ATG13: variants seen among roughly 807,000 people sequenced by gnomAD.
ATG13 encodes autophagy related 13.
Under a neutral mutation model 65.5 loss-of-function variants are expected in ATG13, and 23 were observed. That is an observed-to-expected ratio of 0.35 (90% confidence interval 0.25 to 0.50). The LOEUF is 0.50. Among genes scored for constraint, ATG13 ranks in the 20% least tolerant of loss-of-function variants. ATG13 has a pLI of 0.98. For synonymous variants in ATG13, 252 were observed against 245.2 expected, an observed-to-expected ratio of 1.03 and a Z score of -0.26; for missense variants, 566 against 677.0, an observed-to-expected ratio of 0.84 and a Z score of 1.82.
intron 5 of ATG13, 88 bp downstream of exon 5, chr11:46,646,077 C>T (rs890068074): frequency 6.6e-7 from 1 of 1,504,184 alleles, no homozygotes; most frequent in South Asian, 1.3e-5. Context: ...CTTATTCCTG[C>T]CCCTTTCCTC....
intron 3 of ATG13, among the ~76,000 whole-genome samples, chr11:46,644,600 G>GC (rs2057053154): frequency 3.0e-5 from 4 of 131,668 alleles, no homozygotes; most frequent in African/African-American, 5.6e-5. Flanking sequence ...TTTTTTTTTT[G>GC]CAAGTCTGTT....
intron 1 of ATG13, among the ~76,000 whole-genome samples, chr11:46,622,549 A>G (rs1414449461): frequency 6.6e-6 from 1 of 152,226 alleles, no homozygotes; most frequent in African/African-American, 2.4e-5. Flanking sequence ...AAGCAAGAAC[A>G]AACTACTGCG....
rs549217818 is a variant in ATG13 at position 46,636,790 on chromosome 11, T to G, written c.-14+6690T>G. On this transcript the variant is annotated intron_variant, in intron 2 of 18. Transcript: ENST00000683050. ...TTAGTTGATACAGTTTTTTTTTTTCTTTTGAGGTGGAGTCTCATTCTGTCA... is the reference window on the plus strand; with the variant it reads ...TTAGTTGATACAGTTTTTTTTTTTCGTTTGAGGTGGAGTCTCATTCTGTCA... Among the ~76,000 whole-genome samples, 4 of 151,926 alleles carry G rather than the reference T, an allele frequency of 2.6e-5. No homozygotes were observed. In the South Asian group the frequency reaches 8.3e-4, roughly 32 times the overall value.
chr11:46,644,503 A>C, intron 3 of ATG13, 143 bp downstream of exon 3: 1 of 644,690 alleles, frequency 1.6e-6, no homozygotes, highest in Non-Finnish European at 2.6e-6. Context: ...TTGTCAACCA[A>C]ACTGTGAGGT....
chr11:46,657,813 C>T (rs2060339945), intron 10 of ATG13, among the ~76,000 whole-genome samples, 191 bp downstream of exon 10: 1 of 152,190 alleles, frequency 6.6e-6, no homozygotes, highest in Non-Finnish European at 1.5e-5. Flanking sequence ...TACACCAAGA[C>T]TTAGTATATA....
intron 2 of ATG13, among the ~76,000 whole-genome samples, chr11:46,636,013 G>T (rs1208329277): frequency 1.3e-5 from 2 of 152,106 alleles, no homozygotes; most frequent in South Asian, 4.1e-4. Context: ...TGGCACAGTT[G>T]TTAGTGTTCT....
At chr11:46,618,004 T>G in intron 1 of ATG13, 114 bp downstream of exon 1, 1 of 397,880 alleles carries the variant, frequency 2.5e-6, no homozygotes, top group Non-Finnish European at 4.4e-6. Flanking sequence ...TTAGCCACGG[T>G]TCAATCCCCT....
rs577846219 is a variant in ATG13 at position 46,650,884 on chromosome 11, G to A, written c.458+567G>A. Among the ~76,000 whole-genome samples the A allele has an allele frequency of 2.0e-5, 3 of 152,316 alleles. No individual in the cohort carries two copies. The South Asian group carries it at 6.2e-4, about 32-fold the overall frequency. On this transcript the variant is annotated intron_variant, in intron 7 of 18. Coordinates refer to ENST00000683050, the MANE Select transcript of ATG13 (RefSeq NM_001346311.2). Reference sequence around the variant, plus strand: ...CTCCCAAAGTGCTGGGATTATAGGTGTGAGCCACGGCACCCGGCCTGGAAG... The same window carrying A: ...CTCCCAAAGTGCTGGGATTATAGGTATGAGCCACGGCACCCGGCCTGGAAG...
intron 1 of ATG13, among the ~76,000 whole-genome samples, chr11:46,619,372 C>CTTTTTTTTTTTTTTTTTTTTTT (rs746642470): frequency 8.5e-5 from 3 of 35,328 alleles, no homozygotes; most frequent in African/African-American, 1.3e-4. Flanking sequence ...AGATTTCTTG[C>CTTTTTTTTTTTTTTTTTTTTTT]TTTTTTTTTT....
rs151298056 is a variant in ATG13 at position 46,667,849 on chromosome 11, C to G, written c.1213C>G (p.Arg405Gly). 1 of 1,612,644 alleles carries G rather than the reference C, an allele frequency of 6.2e-7. No homozygotes were observed. The change falls in exon 15 of 19, where the codon CGA (arginine) becomes GGA (glycine). Residue 405 changes from arginine to glycine, a missense_variant. Transcript: ENST00000683050. ...PHDVLETIFV[R>G]KVGAFVNKPI... ...CGATGTCTTGGAGACCATCTTTGTC[C>G]GAAAAGTGGGGGCTTTTGTCAACAA... is the stretch of plus-strand genomic sequence containing the variant.
chr11:46,647,903 GC>G (rs2058050637), intron 5 of ATG13, among the ~76,000 whole-genome samples: 1 of 152,000 alleles, frequency 6.6e-6, no homozygotes, highest in East Asian at 1.9e-4. Flanking sequence ...GAGCCACTTT[GC>G]CCAGCCTGTA....
At position 46,673,731 on chromosome 11, in the gene ATG13, C is replaced by A. The variant is rs1235446696; in HGVS notation, c.*1399C>A. ...TTACTTGAATAAGTCAAGTGCCTAGCCTCACCCACCTATGATCTGTCCTTT... is the reference window on the plus strand; with the variant it reads ...TTACTTGAATAAGTCAAGTGCCTAGACTCACCCACCTATGATCTGTCCTTT... On this transcript the variant is annotated 3_prime_UTR_variant, in exon 19 of 19. Transcript: ENST00000683050. The A allele has an allele frequency of 1.3e-5, 2 of 152,164 alleles. No homozygotes were observed. The highest frequency in any genetic ancestry group is 4.8e-5 in the African/African-American group (2 of 41,440). The allele number at this position is 152,164 out of a possible 1,614,324, so 9.4% of individuals were successfully genotyped here. A position where few individuals can be genotyped will look rare whatever the true frequency, so the allele number is the denominator to read the frequency against.
intron 2 of ATG13, among the ~76,000 whole-genome samples, chr11:46,642,933 C>A (rs550024767): frequency 2.2e-4 from 34 of 152,318 alleles, no homozygotes; most frequent in African/African-American, 7.9e-4. Flanking sequence ...AACAAAAGTT[C>A]TCTGCAAAGG....
chr11:46,639,853 A>ATTT (rs377458204), intron 2 of ATG13, among the ~76,000 whole-genome samples: 2 of 126,984 alleles, frequency 1.6e-5, no homozygotes. Context: ...TGCTTATGCA[A>ATTT]TTTTTTTTTT....
intron 14 of ATG13, 29 bp downstream of exon 14, chr11:46,665,548 G>T (rs995257486): frequency 3.7e-6 from 6 of 1,611,772 alleles, no homozygotes; most frequent in African/African-American, 1.3e-5. Context: ...TCTGTCTCTG[G>T]TAAGGCTGGC....
At chr11:46,668,009 G>A in intron 15 of ATG13, 122 bp downstream of exon 15, 1 of 717,544 alleles carries the variant, frequency 1.4e-6, no homozygotes. Context: ...ATGCAAAACT[G>A]TATGTGTGTG....
intron 2 of ATG13, among the ~76,000 whole-genome samples, chr11:46,643,790 A>G (rs1029334715): frequency 6.6e-6 from 1 of 152,104 alleles, no homozygotes; most frequent in African/African-American, 2.4e-5. Flanking sequence ...CATGAAATCC[A>G]TGAATCCCCA....
At chr11:46,638,387 A>C (rs2054714938) in intron 2 of ATG13, 1 of 152,248 alleles carries the variant, frequency 6.6e-6, no homozygotes. Flanking sequence ...GCAGTAAGCC[A>C]AGATCGCACC....
In ATG13 at chr11:46,664,088, C is replaced by G. The variant is rs2061766082; in HGVS notation, c.881C>G (p.Ser294Cys). The G allele has an allele frequency of 1.9e-6, 3 of 1,591,172 alleles. No homozygotes were observed. Among genetic ancestry groups the G allele is most frequent in the Non-Finnish European group, 2.6e-6 (3 of 1,175,738 alleles). Reference sequence around the variant, plus strand: ...GTCCCCATGGCAGGACTGGCCTTTTCCCATCAAGTGAGTCCATAATGGGAA... The same window carrying G: ...GTCCCCATGGCAGGACTGGCCTTTTGCCATCAAGTGAGTCCATAATGGGAA... ...LRVPMAGLAF[S>C]HQLSSSRLSY... Residue 294 changes from serine to cysteine, a missense_variant, in exon 12 of 19, where the codon TCC becomes TGC. Around this residue, in one of 2 missense-constraint regions of ATG13, gnomAD observed 387 missense variants for 409.8 expected, o/e 0.94. Transcript: ENST00000683050.
Sources: gnomAD v4.1 joint callset for allele counts (sites outside exome capture counted in the v4.1 genomes callset) on GRCh38, gnomAD v4.1.1 for gene constraint, gnomAD v4.1.1 regional missense constraint, MANE v1.5 for transcripts, NCBI Gene and HGNC (gene_info 2026-07-23, HGNC 2026-07-21) for gene names.